The following WNK1 variants were observed in gnomAD, a reference collection of about 807,000 sequenced individuals.
WNK1 encodes the protein WNK lysine deficient protein kinase 1, also known as serine/threonine-protein kinase WNK1.
WNK1 carries 38 observed loss-of-function variants against 222.8 expected under a neutral mutation model. The ratio of observed to expected loss-of-function variants is 0.17; its 90% confidence interval spans 0.13 to 0.22. WNK1 has a LOEUF of 0.22. WNK1 is among the 10% of genes least tolerant of loss of function. The probability of loss-of-function intolerance (pLI) is 1.00; values close to 1 mark genes in which losing one functional copy is unlikely to be tolerated. For missense variants in WNK1, 2,348 were observed against 2,918.4 expected (o/e 0.80, Z 4.50); for synonymous variants, 1,090 against 1,092.9 (o/e 1.00, Z 0.05).
In WNK1 at chr12:837,583, A is replaced by AG. The variant is rs1476610799; in HGVS notation, c.1311+7423_1311+7424insG. Among the ~76,000 whole-genome samples the AG allele has an allele frequency of 5.8e-5, 8 of 138,068 alleles. No homozygotes were observed. The East Asian group carries it at 8.3e-4, about 14-fold the overall frequency. 90.6% of individuals were successfully genotyped at this position (138,068 alleles called of 152,430 possible). A position where few individuals can be genotyped will look rare whatever the true frequency, so the allele number is the denominator to read the frequency against. On this transcript the variant is annotated intron_variant, in intron 4 of 27. Coordinates refer to ENST00000315939, the MANE Select transcript of WNK1 (RefSeq NM_018979.4). ...AGTGAGACCCTGTCTAAAAAAAAAA[A>AG]AAAAAAAAAGAAAAGAAAAGAAAAA...
chr12:763,096 G>C (rs993782600), intron 1 of WNK1, among the ~76,000 whole-genome samples: 8 of 147,176 alleles, frequency 5.4e-5, no homozygotes, highest in Non-Finnish European at 9.1e-5. Context: ...AAGACCTCCC[G>C]TGGATACCTG....
intron 1 of WNK1, among the ~76,000 whole-genome samples, chr12:793,561 C>T (rs1211860287): frequency 2.6e-5 from 4 of 152,116 alleles, no homozygotes; most frequent in African/African-American, 4.8e-5. Context: ...TATTGGGTGA[C>T]GGTATGGTTT....
At chr12:814,253 T>A (rs1249434523) in intron 2 of WNK1, among the ~76,000 whole-genome samples, 7 of 150,802 alleles carry the variant, frequency 4.6e-5, no homozygotes, top group Non-Finnish European at 1.0e-4. Flanking sequence ...CGCTTGAACC[T>A]AGGAGGCGGA....
intron 1 of WNK1, among the ~76,000 whole-genome samples, chr12:797,817 C>T (rs1046051703): frequency 2.0e-5 from 3 of 151,622 alleles, no homozygotes; most frequent in African/African-American, 4.8e-5. Context: ...GGCATGGTGG[C>T]GGGCGCCTGT....
intron 2 of WNK1, among the ~76,000 whole-genome samples, chr12:821,352 G>A (rs987217926): frequency 3.9e-5 from 6 of 152,098 alleles, no homozygotes; most frequent in Non-Finnish European, 8.8e-5. Context: ...GAATGATTTA[G>A]AAAGTGTTTC....
At position 857,230 on chromosome 12, in the gene WNK1, C is replaced by A. The variant is rs747213068; in HGVS notation, c.1381C>A (p.Arg461=). 8 of 1,614,036 alleles carry A rather than the reference C, an allele frequency of 5.0e-6. No individual in the cohort carries two copies. The Admixed American group carries it at 1.2e-4, about 24-fold the overall frequency. ...EVKEIIEGCI[R]QNKDERYSIK... ...GAAGGAAATTATTGAAGGATGCATA[C>A]GACAAAACAAAGATGAAAGGTAAGT... The change falls in exon 5 of 28, where the codon CGA becomes AGA. Residue 461 remains arginine (R), a synonymous_variant. Transcript: ENST00000315939.
rs762343453 is a variant in WNK1 at position 880,933 on chromosome 12, A to G, written c.3045A>G (p.Gln1015=). The G allele has an allele frequency of 1.9e-6, 3 of 1,614,190 alleles. No individual in the cohort carries two copies. The highest frequency in any genetic ancestry group is 2.2e-5 in the East Asian group (1 of 44,884). The change falls in exon 12 of 28, where the codon CAA becomes CAG. Residue 1015 remains glutamine (Q), a synonymous_variant. Coordinates refer to ENST00000315939, the MANE Select transcript of WNK1 (RefSeq NM_018979.4). ...VPMGGVGGQV[Q]VSQPGGSLAQ... ...TGGGTGGTGTAGGAGGACAGGTTCA[A>G]GTGTCCCAGCCAGGAGGGAGTTTAG...
chr12:810,146 A>G (rs994775885), intron 1 of WNK1, among the ~76,000 whole-genome samples: 2 of 151,992 alleles, frequency 1.3e-5, no homozygotes, highest in African/African-American at 4.8e-5. Flanking sequence ...GCTATTCAGG[A>G]GGCTGAGGCA....
At chr12:773,114 C>T (rs1258198652) in intron 1 of WNK1, among the ~76,000 whole-genome samples, 4 of 152,178 alleles carry the variant, frequency 2.6e-5, no homozygotes, top group East Asian at 1.9e-4. Flanking sequence ...CAAAATTAGC[C>T]GGGTGTGGTG....
chr12:777,341 G>A (rs770589825), intron 1 of WNK1, among the ~76,000 whole-genome samples: 16 of 151,774 alleles, frequency 1.1e-4, no homozygotes, highest in Non-Finnish European at 7.4e-5. Context: ...TGTATTCTTA[G>A]TAGAGACAGG....
Position 908,778 on chromosome 12 carries a change from C to G in WNK1, c.7135C>G (p.Leu2379Val). 1 of 1,505,582 alleles carries G rather than the reference C, an allele frequency of 6.6e-7. No homozygotes were observed. Among genetic ancestry groups the G allele is most frequent in the South Asian group, 1.1e-5 (1 of 89,726 alleles). The allele number at this position is 1,505,582 out of a possible 1,614,324, so 93.3% of individuals were successfully genotyped here. The change falls in exon 28 of 28, where the codon CTG becomes GTG. Residue 2379 changes from leucine (L) to valine (V), a missense_variant. Transcript: ENST00000315939. Reference protein sequence around the residue: ...KSISNPPGSNLRTT With the variant: ...KSISNPPGSNVRTT Reference sequence around the variant, plus strand: ...CATCAGCAACCCCCCAGGCTCCAACCTGCGGACCACTTAGACCTAGAGACA... The same window carrying G: ...CATCAGCAACCCCCCAGGCTCCAACGTGCGGACCACTTAGACCTAGAGACA...
At chr12:878,385 A>G in intron 10 of WNK1, 24 bp downstream of exon 10, 2 of 1,595,084 alleles carry the variant, frequency 1.3e-6, no homozygotes, top group Non-Finnish European at 1.7e-6. Flanking sequence ...TTTTTTTTAA[A>G]CAGGTAAACT....
At chr12:899,741 C>T (rs949209897) in intron 25 of WNK1, among the ~76,000 whole-genome samples, 3 of 152,148 alleles carry the variant, frequency 2.0e-5, no homozygotes, top group Non-Finnish European at 4.4e-5. Context: ...GTAGTGACCT[C>T]CATCATTTTT....
chr12:754,275 A>G lies in WNK1; in HGVS notation c.710A>G (p.Lys237Arg), dbSNP rs1173662547. The change falls in exon 1 of 28, where the codon AAA (lysine) becomes AGA (arginine). Residue 237 changes from lysine (K) to arginine (R), a missense_variant. Physicochemically the swap from Lys to Arg is conservative, Grantham distance 26 (BLOSUM62 2). Around this residue, in one of 13 missense-constraint regions of WNK1, gnomAD observed 57 missense variants for 219.0 expected, o/e 0.26. Transcript: ENST00000315939. ...AGAGGCTCCTTTAAGACGGTCTACAAAGGTCTGGACACTGAAACCACCGTG... is the reference window on the plus strand; with the variant it reads ...AGAGGCTCCTTTAAGACGGTCTACAGAGGTCTGGACACTGAAACCACCGTG... ...IGRGSFKTVY[K>R]GLDTETTVEV... The G allele has an allele frequency of 1.9e-6, 3 of 1,613,428 alleles. No homozygotes were observed. The highest frequency in any genetic ancestry group is 2.5e-6 in the Non-Finnish European group (3 of 1,180,024).
At chr12:876,819 T>A (rs1425279623) in intron 9 of WNK1, among the ~76,000 whole-genome samples, 2 of 151,964 alleles carry the variant, frequency 1.3e-5, no homozygotes, top group African/African-American at 4.8e-5. Context: ...TTTGTTTATT[T>A]TAACAAAAAA....
intron 19 of WNK1, 39 bp downstream of exon 19, chr12:886,123 C>G: frequency 7.1e-7 from 1 of 1,413,216 alleles, no homozygotes. Flanking sequence ...TAAATATGAT[C>G]AGTTTTTTTT....
intron 20 of WNK1, 148 bp from the exon 21 acceptor site, chr12:888,989 AAAT>A: frequency 1.4e-6 from 1 of 722,180 alleles, no homozygotes; most frequent in Admixed American, 2.0e-5. Flanking sequence ...GCAGTACACT[AAAT>A]TTGAGTATAG....
intron 22 of WNK1, among the ~76,000 whole-genome samples, chr12:891,108 A>G (rs1055138239): frequency 6.6e-6 from 1 of 152,188 alleles, no homozygotes; most frequent in Admixed American, 6.6e-5. Flanking sequence ...TAGAATATGA[A>G]AAAGGTAGCT....
At position 880,796 on chromosome 12, in the gene WNK1, T is replaced by C; in HGVS notation, c.2908T>C (p.Cys970Arg). Residue 970 changes from cysteine (C) to arginine (R), a missense_variant, in exon 12 of 28, where the codon TGC (cysteine) becomes CGC (arginine). Coordinates refer to ENST00000315939, the MANE Select transcript of WNK1 (RefSeq NM_018979.4). ...TCCCTCTTCCAACGTGGCTTCTGTT[T>C]GCATCCATTCTACAGTCCTATCCCC... Reference protein sequence around the residue: ...IAPSSNVASVCIHSTVLSPPM... With the variant: ...IAPSSNVASVRIHSTVLSPPM... The C allele has an allele frequency of 6.2e-7, 1 of 1,614,154 alleles. No individual in the cohort carries two copies. The highest frequency in any genetic ancestry group is 8.5e-7 in the Non-Finnish European group (1 of 1,180,020).
Sources: allele counts gnomAD v4.1 joint callset (sites outside exome capture counted in the v4.1 genomes callset), GRCh38; gene constraint gnomAD v4.1.1; regional missense constraint gnomAD v4.1.1; transcripts MANE v1.5; gene names NCBI Gene and HGNC (gene_info 2026-07-23, HGNC 2026-07-21).